The following CACNA1S variants were observed in gnomAD, a reference collection of about 807,000 sequenced individuals.
CACNA1S encodes the protein calcium voltage-gated channel subunit alpha1 S.
A neutral mutation model predicts 207.4 loss-of-function variants in CACNA1S; 126 were observed. That is an observed-to-expected ratio of 0.61 (90% CI 0.53 to 0.70). The LOEUF is 0.70. CACNA1S is among the 30% of genes least tolerant of loss of function. The pLI is 0.00. For missense variants in CACNA1S, 2,349 were observed against 2,422.8 expected, an observed-to-expected ratio of 0.97 and a Z score of 0.64; for synonymous variants, 960 against 932.7, an observed-to-expected ratio of 1.03 and a Z score of -0.53.
chr1:201,082,681 AAGCC>A (rs1171627417), intron 10 of CACNA1S, among the ~76,000 whole-genome samples: 2 of 152,232 alleles, frequency 1.3e-5, no homozygotes, highest in African/African-American at 2.4e-5. Flanking sequence ...AAGCTCCTTG[AAGCC>A]AGGAGTGGTG....
intron 2 of CACNA1S, among the ~76,000 whole-genome samples, chr1:201,107,375 C>T (rs991248854): frequency 6.6e-6 from 1 of 152,206 alleles, no homozygotes; most frequent in African/African-American, 2.4e-5. Flanking sequence ...TGTCAATATG[C>T]TACCATAATA....
intron 38 of CACNA1S, 56 bp from the exon 39 acceptor site, chr1:201,044,512 C>A: frequency 6.3e-7 from 1 of 1,595,606 alleles, no homozygotes; most frequent in Non-Finnish European, 8.5e-7. Flanking sequence ...GAGACCAGAA[C>A]CACTTTTTCT....
chr1:201,094,655 C>T (rs1162239661), intron 2 of CACNA1S, among the ~76,000 whole-genome samples: 1 of 152,104 alleles, frequency 6.6e-6, no homozygotes, highest in African/African-American at 2.4e-5. Context: ...AATTCATTTT[C>T]CTTTAGGGTC....
intron 22 of CACNA1S, among the ~76,000 whole-genome samples, chr1:201,063,931 C>A (rs1661153117): frequency 6.6e-6 from 1 of 152,208 alleles, no homozygotes; most frequent in African/African-American, 2.4e-5. Context: ...ATGTGGAATG[C>A]ACGTGGTGTT....
In CACNA1S at chr1:201,060,656, A is replaced by C; in HGVS notation, c.3414+2T>G. On this transcript the variant is annotated splice_donor_variant, in intron 26 of 43. Coordinates refer to ENST00000362061, the MANE Select transcript of CACNA1S (RefSeq NM_000069.3). LOFTEE classifies it high-confidence loss of function. The stretch of plus-strand genomic sequence containing the variant: ...GACATTTTTCTCCTGGGGAGCCCTT[A>C]CCTGCATGCCGAGGCAGATGGTGTT... 1 of 1,614,160 alleles carries C rather than the reference A, an allele frequency of 6.2e-7. No individual in the cohort carries two copies. The highest frequency in any genetic ancestry group is 8.5e-7 in the Non-Finnish European group (1 of 1,180,026).
chr1:201,093,162 T>A (rs1345535756), intron 3 of CACNA1S, among the ~76,000 whole-genome samples: 2 of 152,260 alleles, frequency 1.3e-5, no homozygotes, highest in Non-Finnish European at 2.9e-5. Flanking sequence ...GCTGAAGCCC[T>A]AACCCCTAGC....
intron 35 of CACNA1S, 90 bp from the exon 36 acceptor site, chr1:201,048,774 G>T: frequency 8.6e-7 from 1 of 1,158,998 alleles, no homozygotes; most frequent in Non-Finnish European, 1.3e-6. Flanking sequence ...ACCGGGAGGG[G>T]ACGGGACACG....
intron 32 of CACNA1S, among the ~76,000 whole-genome samples, chr1:201,051,482 A>G (rs1325477116): frequency 1.3e-5 from 2 of 152,070 alleles, no homozygotes; most frequent in African/African-American, 4.8e-5. Context: ...AACTGACTCC[A>G]CTCTCTGAGG....
At position 201,091,223 on chromosome 1, in the gene CACNA1S, T is replaced by C. The variant is rs76920673; in HGVS notation, c.694+417A>G. Among the ~76,000 whole-genome samples, 37 of 152,332 alleles carry C rather than the reference T, an allele frequency of 2.4e-4. No individual in the cohort carries two copies. In the East Asian group the frequency reaches 7.1e-3, roughly 29 times the overall value. The stretch of plus-strand genomic sequence containing the variant: ...ACTCCATTTGGCTCTTGGGTGTTTT[T>C]TCTGAGGTCCCATTCAGACCCTATT... On this transcript the variant is annotated intron_variant, in intron 5 of 43. Coordinates refer to ENST00000362061, the MANE Select transcript of CACNA1S (RefSeq NM_000069.3).
In CACNA1S at chr1:201,066,083, G is replaced by T; in HGVS notation, c.2746-138C>A. The T allele has an allele frequency of 1.1e-6, 1 of 935,406 alleles. No homozygotes were observed. The highest frequency in any genetic ancestry group is 2.6e-5 in the East Asian group (1 of 38,424). The allele number at this position is 935,406 out of a possible 1,614,324, so 57.9% of individuals were successfully genotyped here. On this transcript the variant is annotated intron_variant, in intron 21 of 43. Coordinates refer to ENST00000362061, the MANE Select transcript of CACNA1S (RefSeq NM_000069.3). The surrounding 1 kb of genome is among the most constrained non-coding windows in gnomAD (Gnocchi z 4.3). ...GGGGAAAGGCTGGTGGGGAAGCATAGCTACCCCAGCCTCATCCTTACCCCT... is the reference window on the plus strand; with the variant it reads ...GGGGAAAGGCTGGTGGGGAAGCATATCTACCCCAGCCTCATCCTTACCCCT...
Position 201,059,295 on chromosome 1 carries a change from T to C in CACNA1S, c.3419A>G (p.Tyr1140Cys), listed in dbSNP as rs1043042231. The change falls in exon 27 of 44, where the codon TAC becomes TGC. Residue 1140 changes from tyrosine to cysteine, a missense_variant. Physicochemically the swap from Tyr to Cys is radical, Grantham distance 194. Coordinates refer to ENST00000362061, the MANE Select transcript of CACNA1S (RefSeq NM_000069.3). ...GTGGTTCATCTGCTCCGACTGGTTG[T>C]AGTGCTGTGGAGGGGACACAGGAGC... ...LNTICLGMQHYNQSEQMNHIS... is the reference protein window; with the variant it reads ...LNTICLGMQHCNQSEQMNHIS... 5.6e-6 allele frequency: 9 copies of C among 1,611,002 alleles called. No individual in the cohort carries two copies. The highest frequency in any genetic ancestry group is 7.6e-6 in the Non-Finnish European group (9 of 1,177,372).
chr1:201,040,301 G>A lies in CACNA1S; in HGVS notation c.5300C>T (p.Pro1767Leu), dbSNP rs749965662. 6.2e-7 allele frequency: 1 copy of A among 1,613,818 alleles called. No homozygotes were observed. The highest frequency in any genetic ancestry group is 8.5e-7 in the Non-Finnish European group (1 of 1,179,900). Residue 1767 changes from proline (P) to leucine (L), a missense_variant, in exon 43 of 44, where the codon CCC becomes CTC. By Grantham distance (98) the Pro-to-Leu change is moderately conservative. Coordinates refer to ENST00000362061, the MANE Select transcript of CACNA1S (RefSeq NM_000069.3). ...ATTCTCCCTGGTGCTCCTGCTGTGG[G>A]GTGTCTCCTCATGAAGAGACCCTGG... ...STPGSLHEETPHSRSTRENTS... is the reference protein window; with the variant it reads ...STPGSLHEETLHSRSTRENTS...
At chr1:201,055,261 T>A (rs1660799156) in intron 28 of CACNA1S, among the ~76,000 whole-genome samples, 1 of 152,248 alleles carries the variant, frequency 6.6e-6, no homozygotes, top group South Asian at 2.1e-4. Context: ...GACTGATCCC[T>A]GGCATACTGG....
At chr1:201,087,020 G>A (rs192110399) in intron 7 of CACNA1S, among the ~76,000 whole-genome samples, 97 of 152,304 alleles carry the variant, frequency 6.4e-4, no homozygotes, top group Admixed American at 1.5e-3. Context: ...TGCCTGGAAG[G>A]AAGCTTCTGG....
At chr1:201,103,825 T>TAGA (rs1662771343) in intron 2 of CACNA1S, among the ~76,000 whole-genome samples, 1 of 152,140 alleles carries the variant, frequency 6.6e-6, no homozygotes, top group Non-Finnish European at 1.5e-5. Flanking sequence ...ACAAACGCCC[T>TAGA]GGCTGCCAGA....
At chr1:201,083,052 T>C (rs991676626) in intron 10 of CACNA1S, 110 bp downstream of exon 10, 3 of 1,140,158 alleles carry the variant, frequency 2.6e-6, no homozygotes, top group Admixed American at 1.9e-5. Flanking sequence ...AAAAATGATG[T>C]CAATATCTAA....
At position 201,059,232 on chromosome 1, in the gene CACNA1S, A is replaced by T; in HGVS notation, c.3482T>A (p.Phe1161Tyr). Residue 1161 changes from phenylalanine to tyrosine, a missense_variant, in exon 27 of 44, where the codon TTC becomes TAC. Physicochemically the swap from Phe to Tyr is conservative, Grantham distance 22. Transcript: ENST00000362061. ...GAGCTTGAGGATCATCTCCAGGGTG[A>T]AGATGATAGTGAAGGCCACATTGAG... ...DILNVAFTII[F>Y]TLEMILKLMA... is the part of the protein sequence containing the mutation. 1.2e-6 allele frequency: 2 copies of T among 1,613,674 alleles called. No homozygotes were observed. Among genetic ancestry groups the T allele is most frequent in the Non-Finnish European group, 1.7e-6 (2 of 1,179,562 alleles).
chr1:201,083,320 C>T lies in CACNA1S; in HGVS notation c.1235G>A (p.Arg412Gln), dbSNP rs761248676. Residue 412 changes from arginine (R) to glutamine (Q), a missense_variant and splice_region_variant, in exon 10 of 44, where the codon CGA (arginine) becomes CAA (glutamine). Arg to Gln is a conservative substitution (Grantham distance 43). Coordinates refer to ENST00000362061, the MANE Select transcript of CACNA1S (RefSeq NM_000069.3). The stretch of plus-strand genomic sequence containing the variant: ...GATGCGGTTCCACTGCCTCCAATGT[C>T]GGCTGAGGGAGGGGACAGAGGATGG... Reference protein sequence around the residue: ...AGLNKIIQFIRHWRQWNRIFR... With the variant: ...AGLNKIIQFIQHWRQWNRIFR... 15 of 1,614,038 alleles carry T rather than the reference C, an allele frequency of 9.3e-6. No homozygotes were observed. The highest frequency in any genetic ancestry group is 1.6e-4 in the Middle Eastern group (1 of 6,084).
rs1171169791 is a variant in CACNA1S at position 201,087,714 on chromosome 1, C to T, written c.1004+112G>A. ...CTCCTCCCTTCTCTCCTCCTCCTCT[C>T]CACTCGCCCCCCACCCCTCCTGTTT... is the stretch of plus-strand genomic sequence containing the variant. On this transcript the variant is annotated intron_variant, in intron 7 of 43. Coordinates refer to ENST00000362061, the MANE Select transcript of CACNA1S (RefSeq NM_000069.3). 1.3e-5 allele frequency: 10 copies of T among 749,642 alleles called. No individual in the cohort carries two copies. In the African/African-American group the frequency reaches 1.6e-4, roughly 12 times the overall value. The allele number at this position is 749,642 out of a possible 1,614,324, so 46.4% of individuals were successfully genotyped here.
Sources: gnomAD v4.1 joint callset for allele counts (sites outside exome capture counted in the v4.1 genomes callset) on GRCh38, gnomAD v4.1.1 for gene constraint, Gnocchi (gnomAD v3.1) non-coding constraint, MANE v1.5 for transcripts, NCBI Gene and HGNC (gene_info 2026-07-23, HGNC 2026-07-21) for gene names.